Variants in SYT1 observed in about 807,000 individuals in gnomAD.
SYT1 encodes the protein synaptotagmin-1.
In SYT1, 8 loss-of-function variants were observed where a neutral mutation model predicts 44.8. That is an observed-to-expected ratio of 0.18 (90% CI 0.10 to 0.32). SYT1 has a LOEUF of 0.32. Among genes scored for constraint, SYT1 ranks in the 10% least tolerant of loss-of-function variants. The pLI, the probability that SYT1 is intolerant of heterozygous loss-of-function variation, is 1.00. For missense variants in SYT1, 286 were observed against 509.3 expected (o/e 0.56, Z 4.22); for synonymous variants, 154 against 188.8 (o/e 0.82, Z 1.51).
At chr12:79,154,470 T>A (rs185330255) in intron 3 of SYT1, among the ~76,000 whole-genome samples, 12 of 151,864 alleles carry the variant, frequency 7.9e-5, no homozygotes, top group Non-Finnish European at 1.5e-4. Flanking sequence ...GACAAGGTCA[T>A]ACAGCTTGTA....
At chr12:78,955,894 T>C (rs1442375028) in intron 1 of SYT1, among the ~76,000 whole-genome samples, 2 of 149,486 alleles carry the variant, frequency 1.3e-5, no homozygotes, top group Non-Finnish European at 3.0e-5. Flanking sequence ...CACTATCAAT[T>C]GCATTTTCCC....
chr12:79,022,267 C>T (rs1872241626), intron 2 of SYT1, among the ~76,000 whole-genome samples: 1 of 151,776 alleles, frequency 6.6e-6, no homozygotes, highest in Non-Finnish European at 1.5e-5. Flanking sequence ...TCAACTGAGG[C>T]TTTAAAACTG....
At chr12:79,117,286 T>C (rs1879326770) in intron 3 of SYT1, among the ~76,000 whole-genome samples, 2 of 152,124 alleles carry the variant, frequency 1.3e-5, no homozygotes, top group Admixed American at 1.3e-4. Flanking sequence ...GGTTTTCACT[T>C]TGCATTTCTC....
chr12:79,288,805 G>A (rs1307986763), intron 5 of SYT1, among the ~76,000 whole-genome samples: 1 of 152,062 alleles, frequency 6.6e-6, no homozygotes, highest in African/African-American at 2.4e-5. Flanking sequence ...CCTTATCTGT[G>A]TTGTGTCTCA....
chr12:78,964,654 C>T (rs1235178516), intron 1 of SYT1, among the ~76,000 whole-genome samples: 1 of 152,120 alleles, frequency 6.6e-6, no homozygotes, highest in Admixed American at 6.6e-5. Flanking sequence ...TACAAAGATA[C>T]TAAAGTTTAA....
chr12:79,110,305 A>G (rs1878944146), intron 3 of SYT1, among the ~76,000 whole-genome samples: 1 of 152,176 alleles, frequency 6.6e-6, no homozygotes, highest in African/African-American at 2.4e-5. Flanking sequence ...TTTTCTCTGT[A>G]ATATGGCACA....
rs551473086 is a variant in SYT1, at chr12:78,964,167, T to C, written c.-216-13632T>C. ...GGCACAAAGGTAAGTCCCAAAAATATATGTAGGATGAATGAAAAAAAGATG... is the reference window on the plus strand; with the variant it reads ...GGCACAAAGGTAAGTCCCAAAAATACATGTAGGATGAATGAAAAAAAGATG... On this transcript the variant is annotated intron_variant, in intron 1 of 10. Coordinates refer to ENST00000261205, the MANE Select transcript of SYT1 (RefSeq NM_005639.3). The C allele has an allele frequency of 7.2e-5, 11 of 152,212 alleles. No individual in the cohort carries two copies. In the South Asian group the frequency reaches 2.3e-3, roughly 32 times the overall value. 9.4% of individuals were successfully genotyped at this position (152,212 alleles called of 1,614,324 possible).
At position 78,932,934 on chromosome 12, in the gene SYT1, C is replaced by T. The variant is rs868522066; in HGVS notation, c.-216-44865C>T. 3.3e-5 allele frequency among the ~76,000 whole-genome samples: 5 copies of T among 152,234 alleles called. No homozygotes were observed. In the Middle Eastern group the frequency reaches 0.017, roughly 518 times the overall value. ...AAACACAAAATCTCAGAACGTCTTA[C>T]TTTCATGCAAAAAAACTAAGTTCTA... On this transcript the variant is annotated intron_variant, in intron 1 of 10. Coordinates refer to ENST00000261205, the MANE Select transcript of SYT1 (RefSeq NM_005639.3).
intron 9 of SYT1, among the ~76,000 whole-genome samples, chr12:79,431,550 T>TTATA (rs1411347569): frequency 2.7e-5 from 4 of 150,806 alleles, no homozygotes; most frequent in Non-Finnish European, 5.9e-5. Flanking sequence ...ATTTATTTAT[T>TTATA]TATTGAGATG....
At chr12:79,189,492 T>C (rs1872988947) in intron 3 of SYT1, among the ~76,000 whole-genome samples, 1 of 152,168 alleles carries the variant, frequency 6.6e-6, no homozygotes, top group Admixed American at 6.5e-5. Flanking sequence ...GTATAATAGC[T>C]GACATTTTAT....
chr12:78,894,127 T>C (rs940701355), intron 1 of SYT1, among the ~76,000 whole-genome samples: 4 of 151,360 alleles, frequency 2.6e-5, no homozygotes, highest in African/African-American at 9.7e-5. Context: ...ACTTAACACC[T>C]GGAACCACTC....
intron 3 of SYT1, among the ~76,000 whole-genome samples, chr12:79,165,811 A>G (rs1391831444): frequency 1.3e-5 from 2 of 152,010 alleles, no homozygotes; most frequent in Non-Finnish European, 2.9e-5. Context: ...ATAAAGATAC[A>G]TATTAGGTAT....
At chr12:79,101,800 G>A (rs1301876152) in intron 3 of SYT1, among the ~76,000 whole-genome samples, 2 of 152,194 alleles carry the variant, frequency 1.3e-5, no homozygotes, top group East Asian at 1.9e-4. Flanking sequence ...CCAGCTACTC[G>A]AGGGCTGAGG....
intron 3 of SYT1, among the ~76,000 whole-genome samples, chr12:79,184,380 G>A (rs1054412059): frequency 6.6e-6 from 1 of 151,978 alleles, no homozygotes; most frequent in Non-Finnish European, 1.5e-5. Context: ...TGTAACATTA[G>A]ATACCTCACT....
intron 8 of SYT1, among the ~76,000 whole-genome samples, chr12:79,317,083 C>T (rs1288001221): frequency 2.0e-5 from 3 of 152,132 alleles, no homozygotes; most frequent in Non-Finnish European, 2.9e-5. Flanking sequence ...TCGGATACAT[C>T]GAGTAGCTAT....
intron 3 of SYT1, among the ~76,000 whole-genome samples, chr12:79,212,642 T>G (rs182504954): frequency 1.5e-3 from 227 of 152,340 alleles, no homozygotes; most frequent in Non-Finnish European, 2.7e-3. Flanking sequence ...GAATTCCACT[T>G]TAACAAACTA....
intron 3 of SYT1, among the ~76,000 whole-genome samples, chr12:79,205,465 T>G (rs1412388966): frequency 2.6e-5 from 4 of 152,216 alleles, no homozygotes; most frequent in Non-Finnish European, 1.5e-5. Context: ...GATATTTTAT[T>G]TATAGAGAAA....
chr12:79,202,430 A>G (rs1198170552), intron 3 of SYT1, among the ~76,000 whole-genome samples: 1 of 152,194 alleles, frequency 6.6e-6, no homozygotes, highest in Non-Finnish European at 1.5e-5. Flanking sequence ...AAAGATGTGA[A>G]AATTCGCCAT....
chr12:79,222,453 C>T (rs1438726097), intron 4 of SYT1, among the ~76,000 whole-genome samples: 1 of 151,418 alleles, frequency 6.6e-6, no homozygotes. Context: ...ACGATCTTGC[C>T]TCACTGCAAC....
Sources: gnomAD v4.1 joint callset for allele counts (sites outside exome capture counted in the v4.1 genomes callset) on GRCh38, gnomAD v4.1.1 for gene constraint, MANE v1.5 for transcripts, NCBI Gene and HGNC (gene_info 2026-07-23, HGNC 2026-07-21) for gene names.